The following SCARF1 variants were observed in gnomAD, a reference collection of about 807,000 sequenced individuals.
The protein encoded by SCARF1 is scavenger receptor class F member 1.
In SCARF1, 49 loss-of-function variants were observed where a neutral mutation model predicts 76.3. The ratio of observed to expected loss-of-function variants is 0.64; its 90% confidence interval spans 0.51 to 0.81. SCARF1 has a LOEUF of 0.81. SCARF1 is among the 40% of genes least tolerant of loss of function. SCARF1 has a pLI of 0.00. For synonymous variants in SCARF1, 495 were observed against 474.6 expected, an observed-to-expected ratio of 1.04 and a Z score of -0.56; for missense variants, 1,098 against 1,143.9, an observed-to-expected ratio of 0.96 and a Z score of 0.58.
rs544017106 is a variant in SCARF1 at position 1,636,739 on chromosome 17, C to T, written c.1603G>A (p.Val535Ile). ...TGGGGTGGCACACAGTAGGCAGGAA[C>T]CTCATCTGCCTCTCCAGACTCAGGA... ...SDPESGEADE[V>I]PAYCVPPQEG... The change falls in exon 10 of 11, where the codon GTT becomes ATT. Residue 535 changes from valine to isoleucine, a missense_variant. Physicochemically the swap from Val to Ile is conservative, Grantham distance 29. Transcript: ENST00000263071. The T allele has an allele frequency of 5.6e-6, 9 of 1,614,078 alleles. No homozygotes were observed. In the South Asian group the frequency reaches 6.6e-5, roughly 12 times the overall value.
chr17:1,642,295 T>C (rs1910121385), intron 4 of SCARF1, among the ~76,000 whole-genome samples: 1 of 151,784 alleles, frequency 6.6e-6, no homozygotes, highest in South Asian at 2.1e-4. Flanking sequence ...TAGCTCGTCA[T>C]CTAGCATTAA....
At chr17:1,635,749 G>T in intron 10 of SCARF1, 132 bp from the exon 11 acceptor site, 1 of 1,083,948 alleles carries the variant, frequency 9.2e-7, no homozygotes, top group Non-Finnish European at 1.3e-6. Context: ...GAGAGTGGCA[G>T]AAGGACCAAT....
At chr17:1,639,145 C>T (rs966916648) in intron 7 of SCARF1, among the ~76,000 whole-genome samples, 6 of 152,200 alleles carry the variant, frequency 3.9e-5, no homozygotes, top group African/African-American at 1.2e-4. Flanking sequence ...AGCCTGGTTT[C>T]GCAGGGGCGG....
At position 1,644,401 on chromosome 17, in the gene SCARF1, T is replaced by TGATTCCTG. The variant is rs1910347972; in HGVS notation, c.265+425_265+432dup. On this transcript the variant is annotated intron_variant, in intron 3 of 10. Transcript: ENST00000263071. The surrounding 1 kb of genome is among the most constrained non-coding windows in gnomAD (Gnocchi z 4.8). ...AGCCACCTTTCCCCTAGTGATTCCT[T>TGATTCCTG]GATTCCTGATGCCCACCCTCTGGCT... 1 of 269,184 alleles carries TGATTCCTG rather than the reference T, an allele frequency of 3.7e-6. No homozygotes were observed. The highest frequency in any genetic ancestry group is 7.8e-5 in the East Asian group (1 of 12,794). 16.7% of individuals were successfully genotyped at this position (269,184 alleles called of 1,614,324 possible).
intron 7 of SCARF1, 48 bp from the exon 8 acceptor site, chr17:1,638,974 ACAT>A: frequency 6.6e-7 from 1 of 1,512,962 alleles, no homozygotes; most frequent in South Asian, 1.3e-5. Flanking sequence ...TGTCTCCTAC[ACAT>A]CCTGTCTTTG....
chr17:1,642,421 GA>G (rs1479174921), intron 4 of SCARF1, among the ~76,000 whole-genome samples: 2 of 145,374 alleles, frequency 1.4e-5, no homozygotes, highest in Non-Finnish European at 3.0e-5. Context: ...ACCTATGAGT[GA>G]GAATATGCGG....
chr17:1,639,471 C>T (rs1023612475), intron 7 of SCARF1, among the ~76,000 whole-genome samples, 168 bp downstream of exon 7: 9 of 150,148 alleles, frequency 6.0e-5, no homozygotes, highest in Non-Finnish European at 1.3e-4. Flanking sequence ...CACCACTGCA[C>T]TCTGGCCTGG....
At position 1,645,711 on chromosome 17, in the gene SCARF1, G is replaced by T; in HGVS notation, c.-14C>A. The T allele has an allele frequency of 6.3e-7, 1 of 1,586,508 alleles. No individual in the cohort carries two copies. On this transcript the variant is annotated 5_prime_UTR_variant, in exon 1 of 11. Coordinates refer to ENST00000263071, the MANE Select transcript of SCARF1 (RefSeq NM_003693.4). The surrounding 1 kb of genome is among the most constrained non-coding windows in gnomAD (Gnocchi z 6.3). ...CCCCAGCCCCATGGCAGGCAGCTCG[G>T]TGGGAGCGCTCGGGTTCGTCTGGCC... is the stretch of plus-strand genomic sequence containing the variant.
chr17:1,640,346 A>G lies in SCARF1; in HGVS notation c.1010+102T>C. The G allele has an allele frequency of 8.8e-7, 1 of 1,136,832 alleles. No homozygotes were observed. The highest frequency in any genetic ancestry group is 1.5e-5 in the African/African-American group (1 of 64,668). The allele number at this position is 1,136,832 out of a possible 1,614,324, so 70.4% of individuals were successfully genotyped here. A position where few individuals can be genotyped will look rare whatever the true frequency, so the allele number is the denominator to read the frequency against. On this transcript the variant is annotated intron_variant, in intron 5 of 10. Coordinates refer to ENST00000263071, the MANE Select transcript of SCARF1 (RefSeq NM_003693.4). This position sits in a 1 kb window ranked among gnomAD's most constrained non-coding sequence, Gnocchi z 4.7. ...ACAGGAGGGAGGCCCCTGGGGCCGC[A>G]TGAACCTGTGTGTCGGGGAGGGTGG...
In SCARF1 at chr17:1,640,666, G is replaced by A; in HGVS notation, c.792C>T (p.Ser264=). 1 of 1,610,972 alleles carries A rather than the reference G, an allele frequency of 6.2e-7. No homozygotes were observed. Among genetic ancestry groups the A allele is most frequent in the South Asian group, 1.1e-5 (1 of 90,572 alleles). The change falls in exon 5 of 11, where the codon AGC becomes AGT. Residue 264 remains serine (S), a splice_region_variant and synonymous_variant. Coordinates refer to ENST00000263071, the MANE Select transcript of SCARF1 (RefSeq NM_003693.4). The surrounding 1 kb of genome is among the most constrained non-coding windows in gnomAD (Gnocchi z 4.7). ...AGSHGVQCAH[S]CGRCKHNEPC... The stretch of plus-strand genomic sequence containing the variant: ...GCTCATTGTGTTTGCAGCGGCCACA[G>A]CTGGGAAGAGAAGGGCTTCGTGGGA...
intron 4 of SCARF1, among the ~76,000 whole-genome samples, chr17:1,642,778 T>G (rs1277711165): frequency 1.3e-5 from 2 of 152,192 alleles, no homozygotes; most frequent in African/African-American, 4.8e-5. Flanking sequence ...TGGTGCGACC[T>G]CGGCTCACTG....
At chr17:1,637,251 A>G (rs1160566903) in intron 8 of SCARF1, among the ~76,000 whole-genome samples, 189 bp from the exon 9 acceptor site, 1 of 152,116 alleles carries the variant, frequency 6.6e-6, no homozygotes, top group Non-Finnish European at 1.5e-5. Flanking sequence ...GTGGCTCTAG[A>G]GTCAGACAGC....
intron 4 of SCARF1, among the ~76,000 whole-genome samples, chr17:1,642,039 C>T (rs62088045): frequency 0.026 from 3,912 of 152,262 alleles, 71 homozygotes; most frequent in Middle Eastern, 0.041. Context: ...AAATTTCTTA[C>T]TGTGAGTGCA....
Position 1,635,278 on chromosome 17 carries a change from G to A in SCARF1, c.1973C>T (p.Thr658Ile). The A allele has an allele frequency of 6.2e-7, 1 of 1,612,158 alleles. No homozygotes were observed. Among genetic ancestry groups the A allele is most frequent in the South Asian group, 1.1e-5 (1 of 91,040 alleles). The change falls in exon 11 of 11, where the codon ACT (threonine) becomes ATT (isoleucine). Residue 658 changes from threonine (T) to isoleucine (I), a missense_variant. Coordinates refer to ENST00000263071, the MANE Select transcript of SCARF1 (RefSeq NM_003693.4). ...PAAASPGDSATGHRRPPLGGR... is the reference protein window; with the variant it reads ...PAAASPGDSAIGHRRPPLGGR... Reference sequence around the variant, plus strand: ...ACCAAGTGGGGGCCGCCGGTGGCCAGTGGCTGAATCCCCGGGACTGGCAGC... The same window carrying A: ...ACCAAGTGGGGGCCGCCGGTGGCCAATGGCTGAATCCCCGGGACTGGCAGC...
chr17:1,639,607 C>T (rs1463725787), intron 7 of SCARF1, 32 bp downstream of exon 7: 2 of 1,503,480 alleles, frequency 1.3e-6, no homozygotes, highest in Non-Finnish European at 1.8e-6. Context: ...CTTTCCCTGG[C>T]TACTGCACCC....
rs1255659202 is a variant in SCARF1 at position 1,636,807 on chromosome 17, G to A, written c.1535C>T (p.Pro512Leu). The A allele has an allele frequency of 1.9e-6, 3 of 1,613,766 alleles. No individual in the cohort carries two copies. In the African/African-American group the frequency reaches 4.0e-5, roughly 22 times the overall value. Residue 512 changes from proline to leucine, a missense_variant, in exon 10 of 11, where the codon CCG becomes CTG. Coordinates refer to ENST00000263071, the MANE Select transcript of SCARF1 (RefSeq NM_003693.4). ...EVPFNHSFIE[P>L]PSAGWATDDS... ...ATCAGTGGCCCAGCCGGCAGAGGGCGGCTCGATGAAGCTGTGGTTGAAGGG... is the reference window on the plus strand; with the variant it reads ...ATCAGTGGCCCAGCCGGCAGAGGGCAGCTCGATGAAGCTGTGGTTGAAGGG...
At chr17:1,641,447 A>G (rs1466797007) in intron 4 of SCARF1, among the ~76,000 whole-genome samples, 1 of 152,204 alleles carries the variant, frequency 6.6e-6, no homozygotes, top group East Asian at 1.9e-4. Flanking sequence ...TTATTATTTC[A>G]TTATAGATTA....
At position 1,645,662 on chromosome 17, in the gene SCARF1, G is replaced by GAGC. The variant is rs142617742; in HGVS notation, c.33_35dup (p.Leu12dup). ...CGGACCCCTGAGTCCCCCGAGTCCA[G>GAGC]AGCAGCAGCAGCGGGAGCAGCAGCC... On this transcript the variant is annotated inframe_insertion, in exon 1 of 11. Transcript: ENST00000263071. This position sits in a 1 kb window ranked among gnomAD's most constrained non-coding sequence, Gnocchi z 6.3. The GAGC allele has an allele frequency of 0.023, 37,412 of 1,608,320 alleles. 803 individuals carry two copies. The highest frequency in any genetic ancestry group is 0.074 in the African/African-American group (5,522 of 74,798).
intron 10 of SCARF1, among the ~76,000 whole-genome samples, 188 bp downstream of exon 10, chr17:1,636,521 G>A (rs1053342161): frequency 6.6e-6 from 1 of 152,168 alleles, no homozygotes; most frequent in Non-Finnish European, 1.5e-5. Context: ...GCTGAGGCAG[G>A]GGAATCACTT....
Sources: gnomAD v4.1 joint callset for allele counts (sites outside exome capture counted in the v4.1 genomes callset) on GRCh38, gnomAD v4.1.1 for gene constraint, Gnocchi (gnomAD v3.1) non-coding constraint, MANE v1.5 for transcripts, NCBI Gene and HGNC (gene_info 2026-07-23, HGNC 2026-07-21) for gene names.